PEX5L: variants seen among roughly 807,000 people sequenced by gnomAD.
PEX5L encodes the protein PEX5-related protein.
In PEX5L, 30 loss-of-function variants were observed where a neutral mutation model predicts 84.0. That is an observed-to-expected ratio of 0.36 (90% CI 0.27 to 0.48). The LOEUF (loss-of-function observed/expected upper bound fraction) is 0.48, where lower values mean the gene tolerates loss of function less well. Among genes scored for constraint, PEX5L ranks in the 20% least tolerant of loss-of-function variants. The pLI, the probability that PEX5L is intolerant of heterozygous loss-of-function variation, is 0.99. For synonymous variants in PEX5L, 270 were observed against 283.1 expected, an observed-to-expected ratio of 0.95 and a Z score of 0.46; for missense variants, 533 against 754.6, an observed-to-expected ratio of 0.71 and a Z score of 3.44.
At chr3:179,928,785 C>T (rs1482735838) in intron 2 of PEX5L, among the ~76,000 whole-genome samples, 1 of 152,162 alleles carries the variant, frequency 6.6e-6, no homozygotes, top group Non-Finnish European at 1.5e-5. Context: ...TCCATTTTAT[C>T]ACATAAAGAA....
At chr3:179,899,844 T>C (rs1760715436) in intron 2 of PEX5L, among the ~76,000 whole-genome samples, 1 of 152,190 alleles carries the variant, frequency 6.6e-6, no homozygotes, top group Non-Finnish European at 1.5e-5. Context: ...GATATGTCAG[T>C]AGTAATTTTC....
At chr3:179,815,542 G>A (rs903243847) in intron 10 of PEX5L, among the ~76,000 whole-genome samples, 5 of 152,158 alleles carry the variant, frequency 3.3e-5, no homozygotes, top group African/African-American at 4.8e-5. Context: ...CAGAGATTGC[G>A]CCATTTCACA....
At chr3:179,956,379 T>G (rs1780558254) in intron 2 of PEX5L, among the ~76,000 whole-genome samples, 1 of 152,144 alleles carries the variant, frequency 6.6e-6, no homozygotes, top group Non-Finnish European at 1.5e-5. Context: ...GAATTCACGA[T>G]TATTTCTTTT....
chr3:179,902,148 T>C (rs988199281), intron 2 of PEX5L: 1 of 152,356 alleles, frequency 6.6e-6, no homozygotes, highest in Admixed American at 6.5e-5. Flanking sequence ...GGGGTAGATA[T>C]TATCTTCCAT....
At chr3:180,001,410 A>T (rs1281087820) in intron 1 of PEX5L, among the ~76,000 whole-genome samples, 2 of 147,324 alleles carry the variant, frequency 1.4e-5, no homozygotes, top group African/African-American at 5.1e-5. Flanking sequence ...TCTCTAGAGA[A>T]CTCTGACTTA....
intron 8 of PEX5L, chr3:179,820,528 C>T (rs542286479): frequency 6.6e-6 from 1 of 152,540 alleles, no homozygotes; most frequent in African/African-American, 2.4e-5. Context: ...CACTTGTAAG[C>T]TTATGGCAAA....
intron 2 of PEX5L, among the ~76,000 whole-genome samples, chr3:179,932,216 G>T (rs1432854583): frequency 1.1e-4 from 17 of 152,016 alleles, no homozygotes; most frequent in African/African-American, 4.1e-4. Flanking sequence ...GAAAAATAGG[G>T]TTCAAAACCT....
intron 3 of PEX5L, among the ~76,000 whole-genome samples, chr3:179,892,411 T>C (rs1369539041): frequency 1.3e-5 from 2 of 152,140 alleles, no homozygotes; most frequent in African/African-American, 4.8e-5. Context: ...TACTCTTAGT[T>C]TTATCTGTCC....
Position 179,823,982 on chromosome 3 carries a change from C to T in PEX5L, c.823-4006G>A, listed in dbSNP as rs191110318. ...AATGTTTTCCCAAAAGTACATTGGA[C>T]GTTATTTTCCTTCACTTTTTTGATT... On this transcript the variant is annotated intron_variant, in intron 8 of 14. Coordinates refer to ENST00000467460, the MANE Select transcript of PEX5L (RefSeq NM_016559.3). Among the ~76,000 whole-genome samples the T allele has an allele frequency of 1.6e-3, 245 of 152,012 alleles. 2 individuals carry two copies. The highest frequency in any genetic ancestry group is 2.0e-3 in the Non-Finnish European group (133 of 67,972).
chr3:179,987,174 T>C lies in PEX5L; in HGVS notation c.22-15509A>G, dbSNP rs563780789. Among the ~76,000 whole-genome samples, 174 of 152,336 alleles carry C rather than the reference T, an allele frequency of 1.1e-3. 1 individual carries two copies. The highest frequency in any genetic ancestry group is 3.9e-3 in the African/African-American group (163 of 41,580). ...AATACATGTCAGCTGCTTAGAACACTGCTTGACATATTTAATAGCACTCAT... is the reference window on the plus strand; with the variant it reads ...AATACATGTCAGCTGCTTAGAACACCGCTTGACATATTTAATAGCACTCAT... On this transcript the variant is annotated intron_variant, in intron 1 of 14. Transcript: ENST00000467460.
chr3:179,865,926 T>C (rs1465774925), intron 7 of PEX5L, among the ~76,000 whole-genome samples: 1 of 152,162 alleles, frequency 6.6e-6, no homozygotes, highest in East Asian at 1.9e-4. Context: ...TTCACAAATG[T>C]ACTCTAATGT....
chr3:179,826,808 C>T (rs1295703181), intron 8 of PEX5L, among the ~76,000 whole-genome samples: 2 of 152,150 alleles, frequency 1.3e-5, no homozygotes, highest in African/African-American at 4.8e-5. Flanking sequence ...TAAAGTATTG[C>T]ACATGTTTAC....
Position 179,859,129 on chromosome 3 carries a change from C to T in PEX5L, c.755G>A (p.Gly252Glu). The T allele has an allele frequency of 1.2e-6, 2 of 1,613,842 alleles. No individual in the cohort carries two copies. Among genetic ancestry groups the T allele is most frequent in the Non-Finnish European group, 1.7e-6 (2 of 1,179,722 alleles). ...QARLTKEHRW[G>E]SALLSRNHSL... is the part of the protein sequence containing the mutation. ...GTGGTTTCTAGAAAGTAATGCGCTT[C>T]CCCAGCGATGTTCTTTGGTCAGTCG... Residue 252 changes from glycine to glutamate, a missense_variant, in exon 8 of 15, where the codon GGA becomes GAA. Physicochemically the swap from Gly to Glu is moderately conservative, Grantham distance 98. Coordinates refer to ENST00000467460, the MANE Select transcript of PEX5L (RefSeq NM_016559.3).
chr3:179,942,478 A>C (rs1329526721), intron 2 of PEX5L, among the ~76,000 whole-genome samples: 3 of 152,228 alleles, frequency 2.0e-5, no homozygotes, highest in Non-Finnish European at 4.4e-5. Flanking sequence ...CGCATGCCCA[A>C]GGCCCCAGCG....
Position 179,980,398 on chromosome 3 carries a change from C to A in PEX5L, c.22-8733G>T, listed in dbSNP as rs976318804. On this transcript the variant is annotated intron_variant, in intron 1 of 14. Coordinates refer to ENST00000467460, the MANE Select transcript of PEX5L (RefSeq NM_016559.3). ...TTTCCTGTTCCTGAGAGTGAAAACA[C>A]TTCCTGGAGGTATAACTCATTACTC... 5.3e-5 allele frequency among the ~76,000 whole-genome samples: 8 copies of A among 152,230 alleles called. 1 individual carries two copies. Among genetic ancestry groups the A allele is most frequent in the African/African-American group, 1.4e-4 (6 of 41,538 alleles).
At position 179,800,776 on chromosome 3, in the gene PEX5L, CTT is replaced by C. The variant is rs1287504964; in HGVS notation, c.*1050_*1051del. 32 of 152,096 alleles carry C rather than the reference CTT, an allele frequency of 2.1e-4. No homozygotes were observed. The highest frequency in any genetic ancestry group is 7.7e-4 in the African/African-American group (32 of 41,416). 9.4% of individuals were successfully genotyped at this position (152,096 alleles called of 1,614,324 possible). On this transcript the variant is annotated 3_prime_UTR_variant, in exon 15 of 15. Coordinates refer to ENST00000467460, the MANE Select transcript of PEX5L (RefSeq NM_016559.3). Reference sequence around the variant, plus strand: ...TTAGGAAAAAATGTTATTTATCACTCTTAAGAAATATTATTTAAAATATTTAT... The same window carrying C: ...TTAGGAAAAAATGTTATTTATCACTCAAGAAATATTATTTAAAATATTTAT...
intron 7 of PEX5L, among the ~76,000 whole-genome samples, chr3:179,870,604 T>C (rs539114977): frequency 6.6e-6 from 1 of 152,282 alleles, no homozygotes; most frequent in East Asian, 1.9e-4. Flanking sequence ...TTCAGGCCCC[T>C]TCATTTCCCC....
At chr3:179,893,216 A>G (rs984071170) in intron 3 of PEX5L, among the ~76,000 whole-genome samples, 4 of 152,138 alleles carry the variant, frequency 2.6e-5, no homozygotes, top group South Asian at 4.1e-4. Context: ...ACTGCTTCAT[A>G]TATCAATACA....
intron 1 of PEX5L, among the ~76,000 whole-genome samples, chr3:180,010,136 G>T (rs529626409): frequency 1.3e-5 from 2 of 151,920 alleles, no homozygotes; most frequent in South Asian, 4.2e-4. Context: ...TAGTAGAGAC[G>T]GGGTTTCACC....
Sources: gnomAD v4.1 joint callset for allele counts (sites outside exome capture counted in the v4.1 genomes callset) on GRCh38, gnomAD v4.1.1 for gene constraint, MANE v1.5 for transcripts, NCBI Gene and HGNC (gene_info 2026-07-23, HGNC 2026-07-21) for gene names.